Variants in TMEM132D observed in about 807,000 individuals in gnomAD.
The protein encoded by TMEM132D is mature OL transmembrane protein.
TMEM132D carries 21 observed loss-of-function variants against 62.3 expected under a neutral mutation model. The observed-to-expected ratio is 0.34, with a 90% CI of 0.24 to 0.49. The LOEUF (loss-of-function observed/expected upper bound fraction) is 0.49, where lower values mean the gene tolerates loss of function less well. Among genes scored for constraint, TMEM132D ranks in the 20% least tolerant of loss-of-function variants. The pLI is 0.99. For missense variants in TMEM132D, 1,346 were observed against 1,402.8 expected (o/e 0.96, Z 0.65); for synonymous variants, 621 against 575.6 (o/e 1.08, Z -1.13).
In TMEM132D at chr12:129,818,009, C is replaced by T. The variant is rs111065088; in HGVS notation, c.79+85252G>A. On this transcript the variant is annotated intron_variant, in intron 1 of 8. Coordinates refer to ENST00000422113, the MANE Select transcript of TMEM132D (RefSeq NM_133448.3). ...GTGTGTGTGGTGTAAGTGTGTGTGTCTATGTGCATCTCTATGTGGTGTGGG... is the reference window on the plus strand; with the variant it reads ...GTGTGTGTGGTGTAAGTGTGTGTGTTTATGTGCATCTCTATGTGGTGTGGG... Among the ~76,000 whole-genome samples the T allele has an allele frequency of 2.6e-3, 310 of 118,010 alleles. 1 individual carries two copies. The highest frequency in any genetic ancestry group is 6.4e-3 in the Admixed American group (72 of 11,252). The allele number at this position is 118,010 out of a possible 152,430, so 77.4% of individuals were successfully genotyped here.
At chr12:129,880,144 C>A (rs1874545952) in intron 1 of TMEM132D, among the ~76,000 whole-genome samples, 1 of 151,768 alleles carries the variant, frequency 6.6e-6, no homozygotes, top group African/African-American at 2.4e-5. Context: ...ACACACAAAA[C>A]AACAAAGAAA....
In TMEM132D at chr12:129,699,941, G is replaced by A. The variant is rs779003433; in HGVS notation, c.837C>T (p.Pro279=). Residue 279 remains proline, a synonymous_variant, in exon 2 of 9, where the codon CCC becomes CCT. Transcript: ENST00000422113. Reference sequence around the variant, plus strand: ...TGTCCAGACGCAGTTCTCTCAGGGAGGGTTTCCTGTGTGTCTGATAAAGGA... The same window carrying A: ...TGTCCAGACGCAGTTCTCTCAGGGAAGGTTTCCTGTGTGTCTGATAAAGGA... ...SIFLYQTHRK[P]SLRELRLDNS... 1 of 1,614,028 alleles carries A rather than the reference G, an allele frequency of 6.2e-7. No homozygotes were observed. The highest frequency in any genetic ancestry group is 1.3e-5 in the African/African-American group (1 of 74,924).
At chr12:129,488,441 G>A (rs149931636) in intron 3 of TMEM132D, among the ~76,000 whole-genome samples, 65 of 152,288 alleles carry the variant, frequency 4.3e-4, no homozygotes, top group African/African-American at 1.4e-3. Context: ...GGGAGGCTGA[G>A]GCAGGTGGAT....
At chr12:129,163,868 T>G (rs1877466818) in intron 5 of TMEM132D, among the ~76,000 whole-genome samples, 1 of 152,236 alleles carries the variant, frequency 6.6e-6, no homozygotes, top group Non-Finnish European at 1.5e-5. Context: ...CTTATCTTGT[T>G]TACTCCTTCA....
intron 2 of TMEM132D, among the ~76,000 whole-genome samples, chr12:129,612,722 G>GCCCTTAA (rs1878809196): frequency 6.6e-6 from 1 of 151,350 alleles, no homozygotes; most frequent in Non-Finnish European, 1.5e-5. Flanking sequence ...TGTTAATTTG[G>GCCCTTAA]CCCCAGGCAA....
intron 4 of TMEM132D, among the ~76,000 whole-genome samples, chr12:129,230,805 A>T (rs909274028): frequency 6.6e-6 from 1 of 152,226 alleles, no homozygotes; most frequent in Admixed American, 6.5e-5. Flanking sequence ...CTCTGCTAAC[A>T]GTATTCAAAT....
At chr12:129,445,380 A>G (rs1873066802) in intron 3 of TMEM132D, among the ~76,000 whole-genome samples, 1 of 152,178 alleles carries the variant, frequency 6.6e-6, no homozygotes, top group East Asian at 1.9e-4. Flanking sequence ...TACCCGAGTG[A>G]CTGAATAATC....
chr12:129,292,285 G>A (rs1881467147), intron 4 of TMEM132D, among the ~76,000 whole-genome samples: 1 of 152,184 alleles, frequency 6.6e-6, no homozygotes, highest in Non-Finnish European at 1.5e-5. Flanking sequence ...TTTCCAAAAT[G>A]TAGTCCTAAT....
intron 4 of TMEM132D, among the ~76,000 whole-genome samples, chr12:129,314,786 A>G (rs928329405): frequency 2.6e-5 from 4 of 152,004 alleles, no homozygotes; most frequent in Non-Finnish European, 5.9e-5. Flanking sequence ...TGTGTTGTCT[A>G]CGGTTTATTT....
At chr12:129,146,399 A>G (rs2135532953) in intron 5 of TMEM132D, among the ~76,000 whole-genome samples, 1 of 152,210 alleles carries the variant, frequency 6.6e-6, no homozygotes, top group Middle Eastern at 3.4e-3. Flanking sequence ...GAGCTTCCCT[A>G]CTGGTTTTCT....
At chr12:129,523,901 C>A (rs1398001474) in intron 3 of TMEM132D, among the ~76,000 whole-genome samples, 1 of 152,152 alleles carries the variant, frequency 6.6e-6, no homozygotes, top group Non-Finnish European at 1.5e-5. Flanking sequence ...TGTAGATAAG[C>A]TTACATTTAC....
intron 3 of TMEM132D, among the ~76,000 whole-genome samples, chr12:129,440,707 T>G (rs985473343): frequency 1.3e-5 from 2 of 152,180 alleles, no homozygotes; most frequent in Non-Finnish European, 2.9e-5. Flanking sequence ...GCTGGCTACA[T>G]GACGGATGCA....
intron 2 of TMEM132D, among the ~76,000 whole-genome samples, chr12:129,559,539 A>G (rs758972848): frequency 2.4e-4 from 36 of 152,302 alleles, no homozygotes; most frequent in Non-Finnish European, 4.3e-4. Context: ...ACGCACATGT[A>G]ATATTTTACG....
At chr12:129,212,008 C>A (rs1332269626) in intron 4 of TMEM132D, 3 of 152,088 alleles carry the variant, frequency 2.0e-5, no homozygotes, top group Non-Finnish European at 4.4e-5. Context: ...AAAAGTGGAA[C>A]AATGCTGTTT....
intron 2 of TMEM132D, among the ~76,000 whole-genome samples, chr12:129,555,315 G>C (rs1396604386): frequency 6.6e-6 from 1 of 152,158 alleles, no homozygotes; most frequent in Non-Finnish European, 1.5e-5. Flanking sequence ...CAATGAAAAA[G>C]TAAGTCTGTT....
At chr12:129,242,447 G>C (rs1406032750) in intron 4 of TMEM132D, among the ~76,000 whole-genome samples, 5 of 152,012 alleles carry the variant, frequency 3.3e-5, no homozygotes, top group Non-Finnish European at 5.9e-5. Flanking sequence ...CTTTCTTTTG[G>C]TTAGAATTTG....
intron 4 of TMEM132D, among the ~76,000 whole-genome samples, chr12:129,246,715 G>A (rs1880125970): frequency 6.6e-6 from 1 of 151,722 alleles, no homozygotes. Flanking sequence ...GCAGTGAGCT[G>A]AGATCACACC....
At chr12:129,830,210 G>C (rs559258821) in intron 1 of TMEM132D, among the ~76,000 whole-genome samples, 39 of 152,194 alleles carry the variant, frequency 2.6e-4, no homozygotes, top group Admixed American at 1.4e-3. Flanking sequence ...AAACATATGT[G>C]ATACACACAC....
At chr12:129,536,217 A>C (rs907863752) in intron 2 of TMEM132D, among the ~76,000 whole-genome samples, 2 of 152,190 alleles carry the variant, frequency 1.3e-5, no homozygotes, top group Non-Finnish European at 2.9e-5. Context: ...ATATAGGCTC[A>C]ATCTATGGAA....
Sources: allele counts gnomAD v4.1 joint callset (sites outside exome capture counted in the v4.1 genomes callset), GRCh38; gene constraint gnomAD v4.1.1; transcripts MANE v1.5; gene names NCBI Gene and HGNC (gene_info 2026-07-23, HGNC 2026-07-21).